The following PTPN13 variants were observed in gnomAD, a reference collection of about 807,000 sequenced individuals.
PTPN13 encodes the protein tyrosine-protein phosphatase non-receptor type 13.
In PTPN13, 191 loss-of-function variants were observed where a neutral mutation model predicts 284.0. The ratio of observed to expected loss-of-function variants is 0.67; its 90% CI spans 0.60 to 0.76. PTPN13 has a LOEUF of 0.76. Ranked by LOEUF, PTPN13 falls within the 30% of genes least tolerant of loss-of-function variation. The pLI, the probability that PTPN13 is intolerant of heterozygous loss-of-function variation, is 0.00. For synonymous variants in PTPN13, 986 were observed against 1,022.3 expected (o/e 0.96, Z 0.68); for missense variants, 2,797 against 2,939.9 (o/e 0.95, Z 1.12).
chr4:86,786,042 T>A, intron 40 of PTPN13, 106 bp downstream of exon 40: 1 of 556,742 alleles, frequency 1.8e-6, no homozygotes, highest in South Asian at 6.8e-5. Flanking sequence ...TACTCAAAAA[T>A]TAAATTTAGG....
At chr4:86,771,753 T>G (rs1740028678) in intron 31 of PTPN13, among the ~76,000 whole-genome samples, 1 of 152,212 alleles carries the variant, frequency 6.6e-6, no homozygotes, top group Non-Finnish European at 1.5e-5. Context: ...CTTTCTTCCC[T>G]CTTGAGCATA....
intron 2 of PTPN13, among the ~76,000 whole-genome samples, chr4:86,669,310 T>C (rs1283769568): frequency 2.1e-5 from 3 of 146,078 alleles, no homozygotes; most frequent in Non-Finnish European, 4.5e-5. Flanking sequence ...TATATATATA[T>C]ATATATAGTG....
chr4:86,663,160 G>A (rs1374942676), intron 2 of PTPN13, among the ~76,000 whole-genome samples: 1 of 152,224 alleles, frequency 6.6e-6, no homozygotes, highest in Non-Finnish European at 1.5e-5. Flanking sequence ...GGGAAAAGAA[G>A]TATCTCTTTC....
intron 1 of PTPN13, among the ~76,000 whole-genome samples, chr4:86,603,873 G>A (rs555207417): frequency 1.6e-4 from 24 of 151,936 alleles, no homozygotes; most frequent in Admixed American, 2.6e-4. Flanking sequence ...ACTAGTTCAT[G>A]GCCATTAAGA....
At chr4:86,780,254 G>T (rs991798358) in intron 35 of PTPN13, 148 bp from the exon 36 acceptor site, 50 of 643,416 alleles carry the variant, frequency 7.8e-5, no homozygotes, top group Non-Finnish European at 1.1e-4. Flanking sequence ...CAAAAAAATA[G>T]CTGGGCATGG....
At chr4:86,799,317 C>CTTT (rs11358237) in intron 42 of PTPN13, 113 bp downstream of exon 42, 127 of 369,080 alleles carry the variant, frequency 3.4e-4, no homozygotes, top group African/African-American at 9.8e-4. Context: ...ACATTATTTG[C>CTTT]TTTTTTTTTT....
At chr4:86,656,188 CTTCCTCCT>C (rs1725782950) in intron 2 of PTPN13, among the ~76,000 whole-genome samples, 1 of 152,202 alleles carries the variant, frequency 6.6e-6, no homozygotes, top group South Asian at 2.1e-4. Flanking sequence ...TGAGTTCCAA[CTTCCTCCT>C]TTAGCTCAGA....
intron 1 of PTPN13, among the ~76,000 whole-genome samples, chr4:86,627,016 A>G (rs769617475): frequency 5.9e-5 from 9 of 152,134 alleles, no homozygotes; most frequent in Non-Finnish European, 1.3e-4. Context: ...ATGGTAAAAT[A>G]TTTTGCAGCC....
At chr4:86,640,458 G>C (rs997464148) in intron 2 of PTPN13, among the ~76,000 whole-genome samples, 1 of 152,160 alleles carries the variant, frequency 6.6e-6, no homozygotes, top group Non-Finnish European at 1.5e-5. Context: ...CCTTCTACTT[G>C]TGAGGTATTG....
chr4:86,721,299 G>A (rs867724257), intron 9 of PTPN13, among the ~76,000 whole-genome samples: 27 of 152,122 alleles, frequency 1.8e-4, no homozygotes, highest in African/African-American at 6.3e-4. Flanking sequence ...TTAAGTGAGA[G>A]AGGGCCATAA....
intron 1 of PTPN13, among the ~76,000 whole-genome samples, chr4:86,599,753 A>G (rs1354467876): frequency 6.6e-6 from 1 of 152,172 alleles, no homozygotes; most frequent in Non-Finnish European, 1.5e-5. Context: ...GAGAAATACC[A>G]CATTTTTTAT....
chr4:86,755,501 G>A (rs1166895882), intron 20 of PTPN13, among the ~76,000 whole-genome samples: 1 of 151,946 alleles, frequency 6.6e-6, no homozygotes, highest in African/African-American at 2.4e-5. Flanking sequence ...GTAACTTTTA[G>A]CTAAGTTTGT....
chr4:86,675,291 A>T (rs540208070), intron 3 of PTPN13, among the ~76,000 whole-genome samples: 28 of 152,266 alleles, frequency 1.8e-4, no homozygotes, highest in African/African-American at 6.7e-4. Flanking sequence ...ATGCCTCAAA[A>T]TCTTAAGTGT....
Position 86,758,256 on chromosome 4 carries a change from A to C in PTPN13, c.3224-4A>C, listed in dbSNP as rs372067790. The C allele has an allele frequency of 6.3e-7, 1 of 1,589,082 alleles. No homozygotes were observed. Among genetic ancestry groups the C allele is most frequent in the South Asian group, 1.1e-5 (1 of 88,582 alleles). Reference sequence around the variant, plus strand: ...TTTATTTTTAAATTATAAATTCCCAATAGATGTGCTACACAAAAGATGGAG... The same window carrying C: ...TTTATTTTTAAATTATAAATTCCCACTAGATGTGCTACACAAAAGATGGAG... On this transcript the variant is annotated splice_polypyrimidine_tract_variant and splice_region_variant and intron_variant, in intron 20 of 47. Coordinates refer to ENST00000411767, the MANE Select transcript of PTPN13 (RefSeq NM_080683.3).
At chr4:86,713,377 A>C (rs1306662609) in intron 7 of PTPN13, among the ~76,000 whole-genome samples, 1 of 152,150 alleles carries the variant, frequency 6.6e-6, no homozygotes, top group East Asian at 1.9e-4. Flanking sequence ...TAACTTGCAT[A>C]TAATGTACTG....
chr4:86,791,372 C>A (rs759932373), intron 40 of PTPN13, among the ~76,000 whole-genome samples: 1 of 152,188 alleles, frequency 6.6e-6, no homozygotes, highest in African/African-American at 2.4e-5. Context: ...CAGAGCCCAC[C>A]GCAACTCAGC....
chr4:86,746,736 G>A (rs1423704007), intron 17 of PTPN13, among the ~76,000 whole-genome samples: 1 of 151,982 alleles, frequency 6.6e-6, no homozygotes, highest in African/African-American at 2.4e-5. Context: ...GGTTTCAAGC[G>A]ATTTTCCTGC....
Position 86,597,388 on chromosome 4 carries a change from A to C in PTPN13, c.-6+2599A>C, listed in dbSNP as rs537601104. On this transcript the variant is annotated intron_variant, in intron 1 of 47. Coordinates refer to ENST00000411767, the MANE Select transcript of PTPN13 (RefSeq NM_080683.3). ...AAGTAGCAGGTACCACAGGTGTACA[A>C]CACCACACCTAGCTAATTTTGTTTA... Among the ~76,000 whole-genome samples the C allele has an allele frequency of 2.6e-5, 4 of 152,216 alleles. No individual in the cohort carries two copies. The South Asian group carries it at 8.3e-4, about 32-fold the overall frequency.
In PTPN13 at chr4:86,594,581, C is replaced by CGAGGAG. The variant is rs369003214; in HGVS notation, c.-201_-196dup. Reference sequence around the variant, plus strand: ...TCGCCGCTGGGGAGCGTTTCCGAGGCGAGGAGGAGGAGGAGGAGATGCTGC... The same window carrying CGAGGAG: ...TCGCCGCTGGGGAGCGTTTCCGAGGCGAGGAGGAGGAGGAGGAGGAGGAGATGCTGC... On this transcript the variant is annotated 5_prime_UTR_variant, in exon 1 of 48. Transcript: ENST00000411767. The CGAGGAG allele has an allele frequency of 6.6e-6, 1 of 151,934 alleles. No individual in the cohort carries two copies. Among genetic ancestry groups the CGAGGAG allele is most frequent in the South Asian group, 2.1e-4 (1 of 4,822 alleles). 9.4% of individuals were successfully genotyped at this position (151,934 alleles called of 1,614,324 possible).
Sources: gnomAD v4.1 joint callset for allele counts (sites outside exome capture counted in the v4.1 genomes callset) on GRCh38, gnomAD v4.1.1 for gene constraint, MANE v1.5 for transcripts, NCBI Gene and HGNC (gene_info 2026-07-23, HGNC 2026-07-21) for gene names.